ANK3: variants seen among roughly 807,000 people sequenced by gnomAD.
The protein encoded by ANK3 is ankyrin 3, also known as ankyrin-3.
ANK3 carries 57 observed loss-of-function variants against 370.9 expected under a neutral mutation model. The observed-to-expected ratio is 0.15, with a 90% CI of 0.12 to 0.19. The LOEUF (loss-of-function observed/expected upper bound fraction) is 0.19, where lower values mean the gene tolerates loss of function less well. ANK3 is among the 10% of genes least tolerant of loss of function. The pLI is 1.00. For synonymous variants in ANK3, 1,929 were observed against 1,946.3 expected (o/e 0.99, Z 0.23); for missense variants, 4,439 against 5,302.1 (o/e 0.84, Z 5.06).
rs780088040 is a variant in ANK3 at position 60,064,240 on chromosome 10, C to T, written c.12368G>A (p.Arg4123His). Reference sequence around the variant, plus strand: ...AATTAAAGAATTTGGATTTTCCACACGTATTTGATTGATTTCATCCACTGA... The same window carrying T: ...AATTAAAGAATTTGGATTTTCCACATGTATTTGATTGATTTCATCCACTGA... ...NFSVDEINQI[R>H]VENPNSLISQ... The change falls in exon 39 of 44, where the codon CGT (arginine) becomes CAT (histidine). Residue 4123 changes from arginine (R) to histidine (H), a missense_variant. This residue lies in a region of ANK3 where 99 missense variants were observed against 150.7 expected (regional missense o/e 0.66). Coordinates refer to ENST00000280772, the MANE Select transcript of ANK3 (RefSeq NM_020987.5). The T allele has an allele frequency of 1.0e-5, 16 of 1,580,852 alleles. No individual in the cohort carries two copies. Among genetic ancestry groups the T allele is most frequent in the South Asian group, 9.5e-5 (8 of 83,842 alleles).
intron 2 of ANK3, among the ~76,000 whole-genome samples, chr10:60,580,540 A>G (rs1317179326): frequency 6.6e-6 from 1 of 152,232 alleles, no homozygotes; most frequent in East Asian, 1.9e-4. Flanking sequence ...CAATGATTAT[A>G]TGATTCTGTA....
At chr10:60,669,669 A>G (rs902622486) in intron 1 of ANK3, among the ~76,000 whole-genome samples, 8 of 152,104 alleles carry the variant, frequency 5.3e-5, no homozygotes, top group African/African-American at 1.9e-4. Context: ...CCAGTTTTCC[A>G]TGGCACCACA....
At chr10:60,728,034 C>T (rs1217271303) in intron 1 of ANK3, among the ~76,000 whole-genome samples, 1 of 152,190 alleles carries the variant, frequency 6.6e-6, no homozygotes, top group South Asian at 2.1e-4. Flanking sequence ...CTCTTTCCAA[C>T]TCCATGTTCA....
chr10:60,440,511 A>G (rs995475883), intron 2 of ANK3, among the ~76,000 whole-genome samples: 11 of 152,096 alleles, frequency 7.2e-5, no homozygotes, highest in African/African-American at 1.7e-4. Context: ...CTCATTAACT[A>G]TCATAAGAAC....
chr10:60,483,281 A>G (rs72807927), intron 2 of ANK3, among the ~76,000 whole-genome samples: 2,993 of 152,306 alleles, frequency 0.02, 31 homozygotes, highest in Non-Finnish European at 0.032. Context: ...GATTCATACT[A>G]AGCAAAGAGA....
chr10:60,518,802 C>A (rs1231924713), intron 2 of ANK3, among the ~76,000 whole-genome samples: 1 of 152,120 alleles, frequency 6.6e-6, no homozygotes, highest in East Asian at 1.9e-4. Flanking sequence ...TTGATGGAAA[C>A]AGCTTTTAAT....
rs550542770 is a variant in ANK3 at position 60,675,187 on chromosome 10, T to A, written c.57+58076A>T. On this transcript the variant is annotated intron_variant, in intron 1 of 43. Coordinates refer to the ANK3 transcript ENST00000373827. The stretch of plus-strand genomic sequence containing the variant: ...TAACATTAAATAAAAATAATTTAAG[T>A]CAGCATTGACAGGCCACAATAATTT... Among the ~76,000 whole-genome samples the A allele has an allele frequency of 1.8e-4, 27 of 152,362 alleles. No homozygotes were observed. The South Asian group carries it at 5.6e-3, about 32-fold the overall frequency.
At chr10:60,692,532 C>T (rs2079370754) in intron 1 of ANK3, among the ~76,000 whole-genome samples, 1 of 152,202 alleles carries the variant, frequency 6.6e-6, no homozygotes, top group South Asian at 2.1e-4. Context: ...TTCTTCTCCT[C>T]TTGTCATAAT....
At chr10:60,193,012 T>C (rs1410035873) in intron 16 of ANK3, among the ~76,000 whole-genome samples, 1 of 152,022 alleles carries the variant, frequency 6.6e-6, no homozygotes, top group African/African-American at 2.4e-5. Context: ...TAAAATTATA[T>C]GACTGGCTTT....
intron 2 of ANK3, among the ~76,000 whole-genome samples, chr10:60,438,506 T>G (rs2064213940): frequency 6.6e-6 from 1 of 152,110 alleles, no homozygotes; most frequent in Admixed American, 6.5e-5. Flanking sequence ...GTTAAAGCAA[T>G]AAAAAGCCCA....
intron 25 of ANK3, among the ~76,000 whole-genome samples, chr10:60,132,105 G>A (rs575668723): frequency 3.3e-5 from 5 of 152,256 alleles, no homozygotes; most frequent in Admixed American, 6.5e-5. Flanking sequence ...CAGGATTACA[G>A]ACTGAAATAA....
chr10:60,233,834 G>A (rs2097287500), intron 8 of ANK3, among the ~76,000 whole-genome samples: 1 of 152,206 alleles, frequency 6.6e-6, no homozygotes, highest in Non-Finnish European at 1.5e-5. Flanking sequence ...CATTCACACT[G>A]TTGTGTAACA....
At chr10:60,551,082 A>G (rs1266147196) in intron 2 of ANK3, among the ~76,000 whole-genome samples, 1 of 152,124 alleles carries the variant, frequency 6.6e-6, no homozygotes, top group East Asian at 1.9e-4. Flanking sequence ...TATTTTCAAT[A>G]TATCACACAA....
intron 2 of ANK3, among the ~76,000 whole-genome samples, chr10:60,573,990 T>C (rs2077650269): frequency 6.6e-6 from 1 of 152,166 alleles, no homozygotes; most frequent in African/African-American, 2.4e-5. Flanking sequence ...TTCAAATGAA[T>C]GTAAAACACA....
At chr10:60,044,473 T>A in intron 42 of ANK3, 1 of 383,704 alleles carries the variant, frequency 2.6e-6, no homozygotes, top group Non-Finnish European at 3.6e-6. Context: ...GCTACTCCAG[T>A]GCAAGGGAAA....
chr10:60,158,978 T>TA (rs1166441580), intron 23 of ANK3, among the ~76,000 whole-genome samples: 23 of 149,388 alleles, frequency 1.5e-4, no homozygotes, highest in Middle Eastern at 3.2e-3. Flanking sequence ...GCCCAGCCAA[T>TA]AAAAAAAAAT....
At chr10:60,280,405 T>C (rs901139284) in intron 1 of ANK3, among the ~76,000 whole-genome samples, 3 of 152,182 alleles carry the variant, frequency 2.0e-5, no homozygotes, top group Non-Finnish European at 4.4e-5. Context: ...GGCAATGATG[T>C]TCTACTGGAT....
intron 9 of ANK3, among the ~76,000 whole-genome samples, chr10:60,212,696 C>T (rs1000208518): frequency 6.6e-5 from 10 of 152,084 alleles, no homozygotes; most frequent in Non-Finnish European, 1.0e-4. Flanking sequence ...ATAATATGTG[C>T]TTTTGTTGCT....
intron 1 of ANK3, among the ~76,000 whole-genome samples, chr10:60,373,257 A>T (rs574939318): frequency 1.3e-5 from 2 of 152,332 alleles, no homozygotes; most frequent in African/African-American, 4.8e-5. Context: ...TGGCCAGGCC[A>T]GGGGCCTCTT....
Sources: gnomAD v4.1 joint callset for allele counts (sites outside exome capture counted in the v4.1 genomes callset) on GRCh38, gnomAD v4.1.1 for gene constraint, gnomAD v4.1.1 regional missense constraint, MANE v1.5 for transcripts, NCBI Gene and HGNC (gene_info 2026-07-23, HGNC 2026-07-21) for gene names.